The following PTPRT variants were observed in gnomAD, a reference collection of about 807,000 sequenced individuals.
PTPRT encodes the protein protein tyrosine phosphatase receptor type T.
In PTPRT, 56 loss-of-function variants were observed where a neutral mutation model predicts 176.8. The observed-to-expected ratio is 0.32, with a 90% CI of 0.26 to 0.40. The LOEUF (loss-of-function observed/expected upper bound fraction) is 0.40. Among genes scored for constraint, PTPRT ranks in the 10% least tolerant of loss-of-function variants. The probability of loss-of-function intolerance (pLI) is 1.00; values close to 1 mark genes in which losing one functional copy is unlikely to be tolerated. For missense variants in PTPRT, 1,540 were observed against 1,908.2 expected, an observed-to-expected ratio of 0.81 and a Z score of 3.60; for synonymous variants, 783 against 739.0, an observed-to-expected ratio of 1.06 and a Z score of -0.96.
intron 16 of PTPRT, among the ~76,000 whole-genome samples, chr20:42,193,373 A>G (rs1370957421): frequency 6.6e-6 from 1 of 152,220 alleles, no homozygotes; most frequent in African/African-American, 2.4e-5. Flanking sequence ...CATGGTAGAA[A>G]AGCCAGCTGA....
chr20:42,216,531 A>G (rs1375082213), intron 15 of PTPRT, among the ~76,000 whole-genome samples: 1 of 152,152 alleles, frequency 6.6e-6, no homozygotes, highest in Non-Finnish European at 1.5e-5. Context: ...TCATTTGCCT[A>G]TCTTCTCTCA....
At chr20:42,683,825 TC>T (rs2075646301) in intron 6 of PTPRT, among the ~76,000 whole-genome samples, 1 of 152,190 alleles carries the variant, frequency 6.6e-6, no homozygotes, top group Non-Finnish European at 1.5e-5. Flanking sequence ...CTCTACTCAA[TC>T]TTCATGGTCC....
At chr20:42,973,299 AC>A (rs1031895372) in intron 1 of PTPRT, among the ~76,000 whole-genome samples, 1 of 152,076 alleles carries the variant, frequency 6.6e-6, no homozygotes, top group African/African-American at 2.4e-5. Flanking sequence ...AGGAAAAAAA[AC>A]CTTGAAAATA....
chr20:42,701,955 T>C (rs781584335), intron 6 of PTPRT, among the ~76,000 whole-genome samples: 3 of 152,046 alleles, frequency 2.0e-5, no homozygotes, highest in Non-Finnish European at 4.4e-5. Context: ...GCCATAGAGG[T>C]ATCAAGTGGC....
At chr20:42,967,642 G>A (rs951120532) in intron 1 of PTPRT, among the ~76,000 whole-genome samples, 7 of 152,256 alleles carry the variant, frequency 4.6e-5, no homozygotes, top group African/African-American at 1.7e-4. Flanking sequence ...TGTTACTACA[G>A]CCCTACGAAC....
intron 6 of PTPRT, among the ~76,000 whole-genome samples, chr20:42,723,393 G>A (rs1259809512): frequency 4.6e-5 from 7 of 152,178 alleles, no homozygotes; most frequent in African/African-American, 1.7e-4. Flanking sequence ...AAGCTGCAGT[G>A]ACTGCCTCCC....
intron 16 of PTPRT, among the ~76,000 whole-genome samples, chr20:42,189,570 T>C (rs539098061): frequency 2.6e-5 from 4 of 152,180 alleles, no homozygotes; most frequent in African/African-American, 4.8e-5. Flanking sequence ...ATAATTCAAT[T>C]TGAGAAGGTT....
At chr20:42,808,172 G>A (rs991294327) in intron 2 of PTPRT, among the ~76,000 whole-genome samples, 21 of 152,186 alleles carry the variant, frequency 1.4e-4, no homozygotes, top group Admixed American at 3.9e-4. Flanking sequence ...TGAGGTCTGC[G>A]TCAACTCACT....
intron 9 of PTPRT, among the ~76,000 whole-genome samples, chr20:42,431,183 C>G (rs1407356339): frequency 6.6e-6 from 1 of 152,158 alleles, no homozygotes. Flanking sequence ...TTCTCCTACA[C>G]ACAATTTTAT....
intron 1 of PTPRT, among the ~76,000 whole-genome samples, chr20:42,943,188 G>T (rs1426708137): frequency 1.3e-5 from 2 of 152,180 alleles, no homozygotes; most frequent in African/African-American, 4.8e-5. Context: ...AAGCCGAGTT[G>T]CCTGGCTGCC....
chr20:42,577,837 C>CTG (rs11468271), intron 7 of PTPRT, among the ~76,000 whole-genome samples: 4,505 of 139,402 alleles, frequency 0.032, 120 homozygotes, highest in Non-Finnish European at 0.045. Context: ...CTGAGCAAGG[C>CTG]TGTGTGTGTG....
intron 9 of PTPRT, among the ~76,000 whole-genome samples, chr20:42,400,672 T>C (rs1302035854): frequency 6.6e-6 from 1 of 151,962 alleles, no homozygotes; most frequent in Non-Finnish European, 1.5e-5. Flanking sequence ...TCATGGTGTA[T>C]TGAGGGAATA....
intron 9 of PTPRT, among the ~76,000 whole-genome samples, chr20:42,424,582 C>T (rs770725045): frequency 3.0e-4 from 46 of 152,072 alleles, no homozygotes; most frequent in Non-Finnish European, 5.9e-4. Context: ...TTTACACAAG[C>T]AGCTCAAGTT....
chr20:42,163,871 A>G (rs1169913590), intron 16 of PTPRT, among the ~76,000 whole-genome samples: 1 of 152,072 alleles, frequency 6.6e-6, no homozygotes, highest in Non-Finnish European at 1.5e-5. Context: ...TTCTTTAAAG[A>G]CTCACACTGT....
At chr20:42,436,913 AC>A (rs753759165) in intron 9 of PTPRT, among the ~76,000 whole-genome samples, 1 of 152,244 alleles carries the variant, frequency 6.6e-6, no homozygotes, top group Non-Finnish European at 1.5e-5. Flanking sequence ...TGGAATAAAA[AC>A]GTCCCAAAAG....
chr20:42,780,132 G>T, intron 4 of PTPRT, 86 bp downstream of exon 4: 2 of 1,078,504 alleles, frequency 1.9e-6, no homozygotes, highest in Non-Finnish European at 2.9e-6. Context: ...ATGTTTGTAA[G>T]CTGAATGAAT....
intron 9 of PTPRT, among the ~76,000 whole-genome samples, chr20:42,368,283 C>T (rs768253074): frequency 9.2e-5 from 14 of 152,176 alleles, no homozygotes; most frequent in Non-Finnish European, 7.3e-5. Flanking sequence ...ATGACCACTG[C>T]GTACCCAGCA....
At chr20:42,371,723 C>A (rs1013351870) in intron 9 of PTPRT, among the ~76,000 whole-genome samples, 1 of 152,198 alleles carries the variant, frequency 6.6e-6, no homozygotes, top group East Asian at 1.9e-4. Flanking sequence ...TATATTTGAG[C>A]CCAGTCCCTG....
intron 6 of PTPRT, among the ~76,000 whole-genome samples, chr20:42,719,879 C>T (rs147080236): frequency 5.3e-5 from 8 of 152,254 alleles, no homozygotes; most frequent in East Asian, 3.9e-4. Context: ...AGGGTAAGAA[C>T]GGATGTGGAG....
Sources: allele counts gnomAD v4.1 joint callset (sites outside exome capture counted in the v4.1 genomes callset), GRCh38; gene constraint gnomAD v4.1.1; transcripts MANE v1.5; gene names NCBI Gene and HGNC (gene_info 2026-07-23, HGNC 2026-07-21).